The following IDE variants were observed in gnomAD, a reference collection of about 807,000 sequenced individuals.
IDE encodes the protein insulin-degrading enzyme.
Under a neutral mutation model 133.2 loss-of-function variants are expected in IDE, and 58 were observed. The ratio of observed to expected loss-of-function variants is 0.44; its 90% CI spans 0.35 to 0.54. IDE has a LOEUF of 0.54. Ranked by LOEUF, IDE falls within the 20% of genes least tolerant of loss-of-function variation. IDE has a pLI of 0.00. For synonymous variants in IDE, 396 were observed against 421.3 expected (o/e 0.94, Z 0.73); for missense variants, 981 against 1,234.0 (o/e 0.79, Z 3.07).
intron 11 of IDE, among the ~76,000 whole-genome samples, chr10:92,503,655 T>G (rs993382422): frequency 6.6e-6 from 1 of 152,118 alleles, no homozygotes; most frequent in Non-Finnish European, 1.5e-5. Flanking sequence ...TGATAATATG[T>G]CTGGAAAAGT....
At chr10:92,493,262 C>T (rs1012719327) in intron 11 of IDE, among the ~76,000 whole-genome samples, 3 of 152,200 alleles carry the variant, frequency 2.0e-5, no homozygotes, top group Middle Eastern at 3.4e-3. Flanking sequence ...CCTAGGAACT[C>T]GGGCTTCCAC....
chr10:92,510,091 G>T lies in IDE; in HGVS notation c.856C>A (p.Pro286Thr), dbSNP rs1848504364. The T allele has an allele frequency of 6.2e-7, 1 of 1,604,822 alleles. No homozygotes were observed. The change falls in exon 6 of 25, where the codon CCA becomes ACA. Residue 286 changes from proline to threonine, a missense_variant. Pro to Thr is a conservative substitution (Grantham distance 38). Transcript: ENST00000265986. The part of the protein sequence containing the change: ...SEVENKNVPL[P>T]EFPEHPFQEE... ...TGGAAAGGGTGTTCAGGAAATTCTGGCAATGGAACATTTTTGTTCTCTACT... is the reference window on the plus strand; with the variant it reads ...TGGAAAGGGTGTTCAGGAAATTCTGTCAATGGAACATTTTTGTTCTCTACT...
chr10:92,474,501 AAAT>A (rs1259848181), intron 17 of IDE: 2 of 155,074 alleles, frequency 1.3e-5, no homozygotes, highest in African/African-American at 4.8e-5. Flanking sequence ...TTTAATTGAC[AAAT>A]AATAATTGTA....
chr10:92,492,954 G>A (rs1039798083), intron 11 of IDE, among the ~76,000 whole-genome samples: 1 of 152,138 alleles, frequency 6.6e-6, no homozygotes, highest in East Asian at 1.9e-4. Flanking sequence ...CAGTATGACC[G>A]ACTAATCTTC....
At chr10:92,556,431 T>G (rs1843013537) in intron 1 of IDE, among the ~76,000 whole-genome samples, 1 of 152,024 alleles carries the variant, frequency 6.6e-6, no homozygotes, top group Non-Finnish European at 1.5e-5. Flanking sequence ...GAGACCAGCC[T>G]AACCAACATG....
At chr10:92,489,533 A>AT (rs986841690) in intron 12 of IDE, among the ~76,000 whole-genome samples, 5 of 152,164 alleles carry the variant, frequency 3.3e-5, no homozygotes, top group African/African-American at 1.2e-4. Context: ...TCTCAAAAAA[A>AT]AAAATAAAAT....
intron 4 of IDE, among the ~76,000 whole-genome samples, chr10:92,524,493 A>AATATATTTTATATTATAT (rs1849497956): frequency 2.5e-5 from 2 of 81,392 alleles, no homozygotes; most frequent in African/African-American, 1.1e-4. Flanking sequence ...ATTATATTAT[A>AATATATTTTATATTATAT]ATATATTTTA....
At position 92,510,059 on chromosome 10, in the gene IDE, T is replaced by A; in HGVS notation, c.888A>T (p.Glu296Asp). The A allele has an allele frequency of 6.4e-7, 1 of 1,557,452 alleles. No individual in the cohort carries two copies. Among genetic ancestry groups the A allele is most frequent in the South Asian group, 1.1e-5 (1 of 88,504 alleles). ...AAATTTATGCACTTACTTTAAGATG[T>A]TCTTCTTGGAAAGGGTGTTCAGGAA... ...PEFPEHPFQE[E>D]HLKQLYKIVP... The change falls in exon 6 of 25, where the codon GAA (glutamate) becomes GAT (aspartate). Residue 296 changes from glutamate (E) to aspartate (D), a missense_variant. Glu to Asp is a conservative substitution (Grantham distance 45). Transcript: ENST00000265986.
At chr10:92,470,161 C>T in intron 18 of IDE, 93 bp downstream of exon 18, 1 of 822,334 alleles carries the variant, frequency 1.2e-6, no homozygotes, top group Non-Finnish European at 1.9e-6. Flanking sequence ...TGTTCCTTAT[C>T]ACACCATGCT....
intron 1 of IDE, among the ~76,000 whole-genome samples, chr10:92,544,956 A>G (rs941083518): frequency 2.0e-5 from 3 of 152,228 alleles, no homozygotes; most frequent in African/African-American, 4.8e-5. Context: ...TTTTAAAAGT[A>G]TACATTAAAC....
In IDE at chr10:92,476,006, A is replaced by G. The variant is rs1187860967; in HGVS notation, c.1885-12T>C. ...CCTTTCACTGAAAGCTACAGAAAGAATTCAGGGTATTAAAAGTCTAAAAAT... is the reference window on the plus strand; with the variant it reads ...CCTTTCACTGAAAGCTACAGAAAGAGTTCAGGGTATTAAAAGTCTAAAAAT... On this transcript the variant is annotated splice_polypyrimidine_tract_variant and intron_variant, in intron 15 of 24. Transcript: ENST00000265986. The G allele has an allele frequency of 8.8e-7, 1 of 1,133,130 alleles. No individual in the cohort carries two copies. The highest frequency in any genetic ancestry group is 1.3e-6 in the Non-Finnish European group (1 of 767,084). 70.2% of individuals were successfully genotyped at this position (1,133,130 alleles called of 1,614,324 possible). A position where few individuals can be genotyped will look rare whatever the true frequency, so the allele number is the denominator to read the frequency against.
intron 8 of IDE, 130 bp downstream of exon 8, chr10:92,507,983 C>A: frequency 1.4e-6 from 1 of 709,538 alleles, no homozygotes; most frequent in Non-Finnish European, 2.4e-6. Flanking sequence ...ATGAAAAATA[C>A]AATGGATAAG....
chr10:92,498,560 A>G (rs1324515084), intron 11 of IDE, among the ~76,000 whole-genome samples: 1 of 152,124 alleles, frequency 6.6e-6, no homozygotes, highest in African/African-American at 2.4e-5. Flanking sequence ...GTTCGAGACC[A>G]GCTTGGCCAA....
At position 92,465,750 on chromosome 10, in the gene IDE, T is replaced by C. The variant is rs1354857238; in HGVS notation, c.2414A>G (p.Asn805Ser). 6.2e-7 allele frequency: 1 copy of C among 1,613,898 alleles called. No individual in the cohort carries two copies. The highest frequency in any genetic ancestry group is 8.5e-7 in the Non-Finnish European group (1 of 1,179,782). The change falls in exon 20 of 25, where the codon AAT (asparagine) becomes AGT (serine). Residue 805 changes from asparagine (N) to serine (S), a missense_variant. Physicochemically the swap from Asn to Ser is conservative, Grantham distance 46. Transcript: ENST00000265986. The stretch of plus-strand genomic sequence containing the variant: ...CTGACAGAAGAGCTCCAGAAACATA[T>C]TCTCTGAGGTGCTTTGCATGTCTGT... Reference protein sequence around the residue: ...YQTDMQSTSENMFLELFCQII... With the variant: ...YQTDMQSTSESMFLELFCQII...
At chr10:92,476,129 T>C in intron 15 of IDE, 135 bp from the exon 16 acceptor site, 3 of 608,832 alleles carry the variant, frequency 4.9e-6, no homozygotes, top group Non-Finnish European at 8.7e-6. Flanking sequence ...ATTTAATGTG[T>C]CATAAATATA....
At chr10:92,503,100 C>T (rs1316420605) in intron 11 of IDE, among the ~76,000 whole-genome samples, 1 of 151,924 alleles carries the variant, frequency 6.6e-6, no homozygotes, top group South Asian at 2.1e-4. Flanking sequence ...TATCTTATTC[C>T]AATTTAAAAA....
intron 11 of IDE, among the ~76,000 whole-genome samples, chr10:92,496,794 T>C (rs983756492): frequency 6.6e-6 from 1 of 151,888 alleles, no homozygotes; most frequent in Non-Finnish European, 1.5e-5. Flanking sequence ...TCAAAAAATA[T>C]AAAAATAAAA....
chr10:92,508,535 G>A (rs183150818), intron 7 of IDE, among the ~76,000 whole-genome samples, 193 bp downstream of exon 7: 259 of 128,046 alleles, frequency 2.0e-3, no homozygotes, highest in African/African-American at 7.1e-3. Context: ...GCAAAATGGC[G>A]AAACCCCATC....
At chr10:92,457,098 G>A (rs1845071932) in intron 22 of IDE, among the ~76,000 whole-genome samples, 1 of 151,868 alleles carries the variant, frequency 6.6e-6, no homozygotes, top group Non-Finnish European at 1.5e-5. Context: ...AAGTGCCTGA[G>A]CTAGGATTAA....
Sources: allele counts gnomAD v4.1 joint callset (sites outside exome capture counted in the v4.1 genomes callset), GRCh38; gene constraint gnomAD v4.1.1; transcripts MANE v1.5; gene names NCBI Gene and HGNC (gene_info 2026-07-23, HGNC 2026-07-21).